TMEM74: variants seen among roughly 807,000 people sequenced by gnomAD.
TMEM74 encodes transmembrane protein 74.
Under a neutral mutation model 18.1 loss-of-function variants are expected in TMEM74, and 13 were observed. The observed-to-expected ratio is 0.72, with a 90% CI of 0.47 to 1.14. The LOEUF (loss-of-function observed/expected upper bound fraction) is 1.14. TMEM74 is among the 50% of genes most tolerant of loss of function. The pLI is 0.00. For synonymous variants in TMEM74, 159 were observed against 146.6 expected, an observed-to-expected ratio of 1.08 and a Z score of -0.61; for missense variants, 372 against 375.9, an observed-to-expected ratio of 0.99 and a Z score of 0.09.
At chr8:108,696,371 G>T (rs1813281624) in intron 1 of TMEM74, among the ~76,000 whole-genome samples, 1 of 152,198 alleles carries the variant, frequency 6.6e-6, no homozygotes. Flanking sequence ...TGTTCAAAGG[G>T]TAGTGAGCTA....
At chr8:108,664,719 G>T (rs568936222) in intron 1 of TMEM74, among the ~76,000 whole-genome samples, 1 of 151,980 alleles carries the variant, frequency 6.6e-6, no homozygotes, top group South Asian at 2.1e-4. Context: ...TGGCCTACAG[G>T]TATCTGCTAA....
intron 1 of TMEM74, among the ~76,000 whole-genome samples, chr8:108,728,501 C>T (rs1450992233): frequency 6.6e-6 from 1 of 151,970 alleles, no homozygotes; most frequent in Non-Finnish European, 1.5e-5. Context: ...GAACCTTTTC[C>T]CCTCCCTCTC....
intron 2 of TMEM74, among the ~76,000 whole-genome samples, chr8:108,640,496 T>A (rs1812653119): frequency 1.3e-5 from 2 of 152,164 alleles, no homozygotes; most frequent in Admixed American, 6.6e-5. Flanking sequence ...TTTGATTATA[T>A]GTTTAAAATA....
chr8:108,669,484 G>A (rs970767190), intron 1 of TMEM74, among the ~76,000 whole-genome samples: 1 of 152,252 alleles, frequency 6.6e-6, no homozygotes, highest in African/African-American at 2.4e-5. Flanking sequence ...TTGCATATAT[G>A]CTGTAAGGAG....
chr8:108,625,573 T>C (rs1056145938), intron 2 of TMEM74, among the ~76,000 whole-genome samples: 1 of 152,004 alleles, frequency 6.6e-6, no homozygotes, highest in Admixed American at 6.6e-5. Context: ...GTGAATTCTT[T>C]AGATTAAACA....
rs530661076 is a variant in TMEM74, at chr8:108,629,727, T to C, written n.265-20901A>G. ...TTTCAACCCAGAATTTTATATCTGGTCAAACAAAGCTTTATAAGCAAAGGA... is the reference window on the plus strand; with the variant it reads ...TTTCAACCCAGAATTTTATATCTGGCCAAACAAAGCTTTATAAGCAAAGGA... On this transcript the variant is annotated intron_variant and non_coding_transcript_variant, in intron 2 of 3. Transcript: ENST00000518838. 3.4e-3 allele frequency among the ~76,000 whole-genome samples: 511 copies of C among 151,916 alleles called. 1 individual carries two copies. Among genetic ancestry groups the C allele is most frequent in the Non-Finnish European group, 5.4e-3 (367 of 67,886 alleles).
At chr8:108,685,559 A>G (rs918474235) in intron 1 of TMEM74, among the ~76,000 whole-genome samples, 3 of 152,214 alleles carry the variant, frequency 2.0e-5, no homozygotes, top group Non-Finnish European at 4.4e-5. Context: ...AATAGCAAAC[A>G]TAATACTTAA....
At chr8:108,704,050 A>G (rs1024555527) in intron 1 of TMEM74, among the ~76,000 whole-genome samples, 4 of 152,242 alleles carry the variant, frequency 2.6e-5, no homozygotes, top group Non-Finnish European at 5.9e-5. Context: ...CTTACAGTTC[A>G]TGGAAAATTA....
chr8:108,766,020 A>G (rs964240515), intron 1 of TMEM74, among the ~76,000 whole-genome samples: 1 of 152,182 alleles, frequency 6.6e-6, no homozygotes, highest in Non-Finnish European at 1.5e-5. Flanking sequence ...TAGCATTAGC[A>G]TAATCTAATT....
rs955880820 is a variant in TMEM74 at position 108,735,412 on chromosome 8, T to C, written n.119+52064A>G. 6.8e-5 allele frequency among the ~76,000 whole-genome samples: 5 copies of C among 73,234 alleles called. No homozygotes were observed. The African/African-American group carries it at 7.0e-4, about 10-fold the overall frequency. 48.0% of individuals were successfully genotyped at this position (73,234 alleles called of 152,430 possible). On this transcript the variant is annotated intron_variant and non_coding_transcript_variant, in intron 1 of 3. Coordinates refer to the TMEM74 transcript ENST00000518838. ...TGAGCATCTAATAATCTACTTTCTGTATCTACAGTTTCTCTATTCTGGACT... is the reference window on the plus strand; with the variant it reads ...TGAGCATCTAATAATCTACTTTCTGCATCTACAGTTTCTCTATTCTGGACT...
intron 2 of TMEM74, among the ~76,000 whole-genome samples, chr8:108,637,856 G>A (rs901566438): frequency 5.1e-4 from 78 of 152,234 alleles, no homozygotes; most frequent in African/African-American, 1.7e-3. Flanking sequence ...TTAATGACAA[G>A]TCTTTAGCCA....
chr8:108,772,104 G>A (rs139763980), intron 1 of TMEM74, among the ~76,000 whole-genome samples: 76 of 152,170 alleles, frequency 5.0e-4, no homozygotes, highest in Non-Finnish European at 9.0e-4. Context: ...TAATTATTGA[G>A]TGTATATTAG....
At chr8:108,735,004 G>C (rs1813731454) in intron 1 of TMEM74, among the ~76,000 whole-genome samples, 1 of 152,108 alleles carries the variant, frequency 6.6e-6, no homozygotes. Flanking sequence ...TGACTCTTCC[G>C]CATTCACTAA....
intron 1 of TMEM74, among the ~76,000 whole-genome samples, chr8:108,689,380 G>A (rs1314353265): frequency 6.6e-6 from 1 of 152,124 alleles, no homozygotes; most frequent in East Asian, 1.9e-4. Context: ...ATAGAGTAAC[G>A]AACCACAGTT....
intron 1 of TMEM74, among the ~76,000 whole-genome samples, chr8:108,681,978 C>T (rs948018660): frequency 6.6e-6 from 1 of 152,142 alleles, no homozygotes; most frequent in Non-Finnish European, 1.5e-5. Context: ...TTTTTAACTA[C>T]ATTTTTGTGT....
chr8:108,695,227 C>G (rs1388323461), intron 1 of TMEM74, among the ~76,000 whole-genome samples: 1 of 152,084 alleles, frequency 6.6e-6, no homozygotes, highest in African/African-American at 2.4e-5. Context: ...TTCATCTGGG[C>G]TTGAACTGAT....
chr8:108,776,766 A>G (rs769694293), downstream of TMEM74, among the ~76,000 whole-genome samples: 21 of 140,188 alleles, frequency 1.5e-4, no homozygotes, highest in South Asian at 2.2e-4. Flanking sequence ...ATGATGATGA[A>G]GGAAGGGAGG....
intron 1 of TMEM74, among the ~76,000 whole-genome samples, chr8:108,752,024 G>C (rs1054887644): frequency 1.5e-4 from 23 of 149,610 alleles, no homozygotes; most frequent in Admixed American, 1.2e-3. Context: ...AACAGTGCCT[G>C]GGCAATCAAT....
rs1166326301 is a variant in TMEM74, at chr8:108,769,561, A to ACT, written n.119+17913_119+17914dup. Among the ~76,000 whole-genome samples, 5 of 149,254 alleles carry ACT rather than the reference A, an allele frequency of 3.3e-5. No homozygotes were observed. The South Asian group carries it at 1.1e-3, about 32-fold the overall frequency. ...TATAGAGTAGTGGGTTGTACTTTCC[A>ACT]CTCTCTCTCTCTGACCCCAAACTAG... On this transcript the variant is annotated intron_variant and non_coding_transcript_variant, in intron 1 of 3. Transcript: ENST00000518838.
Sources: gnomAD v4.1 joint callset for allele counts (sites outside exome capture counted in the v4.1 genomes callset) on GRCh38, gnomAD v4.1.1 for gene constraint, MANE v1.5 for transcripts, NCBI Gene and HGNC (gene_info 2026-07-23, HGNC 2026-07-21) for gene names.